The following ASB4 variants were observed in gnomAD, a reference collection of about 807,000 sequenced individuals.
ASB4 encodes the protein ankyrin repeat and SOCS box containing 4.
ASB4 carries 35 observed loss-of-function variants against 38.6 expected under a neutral mutation model. The observed-to-expected ratio is 0.91, with a 90% CI of 0.69 to 1.20. ASB4 has a LOEUF of 1.20. Ranked by LOEUF, ASB4 falls within the 50% of genes most tolerant of loss-of-function variation. ASB4 has a pLI of 0.00. For synonymous variants in ASB4, 195 were observed against 201.3 expected (o/e 0.97, Z 0.26); for missense variants, 557 against 527.2 (o/e 1.06, Z -0.55).
intron 1 of ASB4, among the ~76,000 whole-genome samples, chr7:95,488,391 A>G (rs11977715): frequency 0.83 from 126,072 of 152,176 alleles, 52,628 homozygotes; most frequent in East Asian, 0.99. Context: ...CATGCTTCCA[A>G]CCTTATCATC....
intron 2 of ASB4, among the ~76,000 whole-genome samples, chr7:95,513,051 G>A (rs1450762440): frequency 6.6e-6 from 1 of 152,028 alleles, no homozygotes; most frequent in African/African-American, 2.4e-5. Context: ...AGGAAATGTG[G>A]CTATAGAAGG....
intron 2 of ASB4, among the ~76,000 whole-genome samples, chr7:95,513,290 A>G (rs1391535783): frequency 4.4e-5 from 1 of 22,752 alleles, no homozygotes; most frequent in Non-Finnish European, 8.6e-5. Context: ...TCGAGCCAAT[A>G]GAATGTGTGT....
At chr7:95,493,976 C>T (rs1046256076) in intron 1 of ASB4, among the ~76,000 whole-genome samples, 1 of 152,156 alleles carries the variant, frequency 6.6e-6, no homozygotes, top group Non-Finnish European at 1.5e-5. Flanking sequence ...TAGTGTAGTG[C>T]ATGTTCTTGT....
In ASB4 at chr7:95,539,923, C is replaced by G. The variant is rs1454785272; in HGVS notation, c.*2164C>G. 6.6e-6 allele frequency: 1 copy of G among 152,182 alleles called. No homozygotes were observed. The highest frequency in any genetic ancestry group is 2.4e-5 in the African/African-American group (1 of 41,442). The allele number at this position is 152,182 out of a possible 1,614,324, so 9.4% of individuals were successfully genotyped here. ...AATAATTAACAAAGTAAAACAAGAT[C>G]ACACCCTGGAACAATTGGAGGATTG... On this transcript the variant is annotated 3_prime_UTR_variant, in exon 5 of 5. Transcript: ENST00000325885.
At chr7:95,515,301 CTTTCTTTCTTT>C (rs1562817281) in intron 2 of ASB4, among the ~76,000 whole-genome samples, 10 of 122,262 alleles carry the variant, frequency 8.2e-5, no homozygotes, top group African/African-American at 3.0e-4. Flanking sequence ...TTCTTTCTTT[CTTTCTTTCTTT>C]CTTTCTTCCT....
chr7:95,521,258 A>G (rs1454615414), intron 2 of ASB4, among the ~76,000 whole-genome samples: 1 of 152,160 alleles, frequency 6.6e-6, no homozygotes, highest in Admixed American at 6.5e-5. Flanking sequence ...ATAAATAAGA[A>G]AAGCCCAACC....
At chr7:95,545,141 A>G (rs1476693242), downstream of ASB4, among the ~76,000 whole-genome samples, 2 of 151,782 alleles carry the variant, frequency 1.3e-5, no homozygotes, top group Non-Finnish European at 2.9e-5. Flanking sequence ...TTAAGGGTTC[A>G]TTGCTCCTGG....
At chr7:95,520,156 G>A (rs986527225) in intron 2 of ASB4, among the ~76,000 whole-genome samples, 1 of 152,188 alleles carries the variant, frequency 6.6e-6, no homozygotes, top group African/African-American at 2.4e-5. Flanking sequence ...GGAATAATTT[G>A]AATTCTGAAT....
At chr7:95,534,815 G>C (rs1790866141) in intron 3 of ASB4, among the ~76,000 whole-genome samples, 1 of 152,168 alleles carries the variant, frequency 6.6e-6, no homozygotes, top group South Asian at 2.1e-4. Context: ...TACTGTCATA[G>C]TACTAAACCC....
At position 95,536,433 on chromosome 7, in the gene ASB4, G is replaced by A; in HGVS notation, c.979-4G>A. ...ACAGATGAAACTCTGTGCTTCCTCT[G>A]CAGGTGATACAGGCCTGCCATTCTT... On this transcript the variant is annotated splice_polypyrimidine_tract_variant and splice_region_variant and intron_variant, in intron 3 of 4. Coordinates refer to ENST00000325885, the MANE Select transcript of ASB4 (RefSeq NM_016116.3). 1.9e-6 allele frequency: 3 copies of A among 1,584,582 alleles called. No homozygotes were observed. Among genetic ancestry groups the A allele is most frequent in the Non-Finnish European group, 2.6e-6 (3 of 1,153,794 alleles).
rs182164773 is a variant in ASB4, at chr7:95,520,891, C to T, written c.488-6922C>T. Among the ~76,000 whole-genome samples the T allele has an allele frequency of 1.9e-4, 29 of 152,174 alleles. No homozygotes were observed. The East Asian group carries it at 4.1e-3, about 21-fold the overall frequency. ...TTTGATATTTGGTGGGGTAAGTACC[C>T]CTTATTCACTGTCTTTTCTTTCCAT... On this transcript the variant is annotated intron_variant, in intron 2 of 4. Transcript: ENST00000325885.
At chr7:95,523,675 G>A (rs1370373702) in intron 2 of ASB4, among the ~76,000 whole-genome samples, 1 of 151,876 alleles carries the variant, frequency 6.6e-6, no homozygotes, top group African/African-American at 2.4e-5. Flanking sequence ...TATTTTGGGG[G>A]AATTTATTCC....
At chr7:95,477,144 G>A (rs1289906261), upstream of ASB4, among the ~76,000 whole-genome samples, 1 of 151,758 alleles carries the variant, frequency 6.6e-6, no homozygotes, top group Admixed American at 6.6e-5. Flanking sequence ...CTGTTCTTCC[G>A]GGTTCATTTA....
At chr7:95,530,372 G>C (rs113857025) in intron 3 of ASB4, among the ~76,000 whole-genome samples, 3,279 of 152,290 alleles carry the variant, frequency 0.022, 115 homozygotes, top group African/African-American at 0.074. Context: ...GGCTGAGGCA[G>C]GAGAATGGCT....
At chr7:95,537,408 G>T (rs540527734) in intron 4 of ASB4, among the ~76,000 whole-genome samples, 163 bp from the exon 5 acceptor site, 14 of 151,952 alleles carry the variant, frequency 9.2e-5, no homozygotes, top group African/African-American at 2.2e-4. Flanking sequence ...GTATACCACC[G>T]CCTCACTGCT....
At chr7:95,524,839 G>C (rs1584090187) in intron 2 of ASB4, among the ~76,000 whole-genome samples, 1 of 152,322 alleles carries the variant, frequency 6.6e-6, no homozygotes, top group East Asian at 1.9e-4. Context: ...ATGGAGCTAT[G>C]GAAGTTCCTG....
At chr7:95,497,722 T>C (rs1345073681) in intron 2 of ASB4, among the ~76,000 whole-genome samples, 1 of 152,178 alleles carries the variant, frequency 6.6e-6, no homozygotes, top group Non-Finnish European at 1.5e-5. Flanking sequence ...CAACCACTGA[T>C]GTTTTCTGTC....
chr7:95,522,707 G>C (rs1271653886), intron 2 of ASB4, among the ~76,000 whole-genome samples: 1 of 152,162 alleles, frequency 6.6e-6, no homozygotes, highest in African/African-American at 2.4e-5. Context: ...AGGACAGGAA[G>C]GGGTCTCCAT....
At chr7:95,477,838 G>A (rs1054781548), upstream of ASB4, among the ~76,000 whole-genome samples, 1 of 151,068 alleles carries the variant, frequency 6.6e-6, no homozygotes, top group African/African-American at 2.4e-5. Flanking sequence ...TTTTTCTATG[G>A]TTTTCTGAAA....
Sources: allele counts gnomAD v4.1 joint callset (sites outside exome capture counted in the v4.1 genomes callset), GRCh38; gene constraint gnomAD v4.1.1; transcripts MANE v1.5; gene names NCBI Gene and HGNC (gene_info 2026-07-23, HGNC 2026-07-21).